The following DNAAF9 variants were observed in gnomAD, a reference collection of about 807,000 sequenced individuals.
DNAAF9 encodes the protein shulin.
In DNAAF9, 90 loss-of-function variants were observed where a neutral mutation model predicts 167.0. That is an observed-to-expected ratio of 0.54 (90% confidence interval 0.45 to 0.64). The LOEUF (loss-of-function observed/expected upper bound fraction) is 0.64, where lower values mean the gene tolerates loss of function less well. DNAAF9 is among the 30% of genes least tolerant of loss of function. The probability of loss-of-function intolerance (pLI) is 0.00; values close to 1 mark genes in which losing one functional copy is unlikely to be tolerated. For missense variants in DNAAF9, 1,315 were observed against 1,442.2 expected (o/e 0.91, Z 1.43); for synonymous variants, 491 against 508.8 (o/e 0.96, Z 0.47).
intron 1 of DNAAF9, among the ~76,000 whole-genome samples, chr20:3,398,960 T>C (rs1037443854): frequency 6.6e-6 from 1 of 152,222 alleles, no homozygotes; most frequent in African/African-American, 2.4e-5. Context: ...CTGTCATAGC[T>C]AATACATGGC....
intron 3 of DNAAF9, 136 bp downstream of exon 3, chr20:3,381,243 A>T: frequency 2.9e-6 from 2 of 679,342 alleles, no homozygotes; most frequent in African/African-American, 1.9e-5. Flanking sequence ...CGTTTTTTTC[A>T]TTCTTTAAAA....
At chr20:3,407,298 T>C (rs575410136) in intron 1 of DNAAF9, among the ~76,000 whole-genome samples, 177 bp downstream of exon 1, 107 of 152,198 alleles carry the variant, frequency 7.0e-4, no homozygotes, top group Middle Eastern at 3.4e-3. Context: ...AGGGGAGCCA[T>C]TGTGGGGCCT....
intron 3 of DNAAF9, 78 bp downstream of exon 3, chr20:3,381,301 A>T: frequency 1.7e-6 from 2 of 1,193,082 alleles, no homozygotes; most frequent in South Asian, 3.4e-5. Flanking sequence ...TTATTCCATA[A>T]GAAGACCATA....
At position 3,249,895 on chromosome 20, in the gene DNAAF9, CCGGCT is replaced by C. The variant is rs1231671142; in HGVS notation, c.*2672_*2676del. 1.3e-5 allele frequency: 2 copies of C among 151,832 alleles called. No individual in the cohort carries two copies. Among genetic ancestry groups the C allele is most frequent in the African/African-American group, 4.9e-5 (2 of 41,094 alleles). The allele number at this position is 151,832 out of a possible 1,614,324, so 9.4% of individuals were successfully genotyped here. Reference sequence around the variant, plus strand: ...AGATAGCCCCCAGGGCTCAGAGGGGCCGGCTCAACTCCTTGCCAACGGCCCTTCCC... The same window carrying C: ...AGATAGCCCCCAGGGCTCAGAGGGGCCAACTCCTTGCCAACGGCCCTTCCC... On this transcript the variant is annotated 3_prime_UTR_variant, in exon 37 of 37. Transcript: ENST00000252032.
Position 3,315,211 on chromosome 20 carries a change from T to C in DNAAF9, c.1591-91A>G, listed in dbSNP as rs189862045. 4.0e-4 allele frequency: 330 copies of C among 823,906 alleles called. 1 individual carries two copies. In the African/African-American group the frequency reaches 4.9e-3, roughly 12 times the overall value. The allele number at this position is 823,906 out of a possible 1,614,324, so 51.0% of individuals were successfully genotyped here. On this transcript the variant is annotated intron_variant, in intron 19 of 36. Transcript: ENST00000252032. The surrounding 1 kb of genome is among the most constrained non-coding windows in gnomAD (Gnocchi z 4.1). The stretch of plus-strand genomic sequence containing the variant: ...CAGAATCAAAAGTCCTGCCCAATTA[T>C]GTCCGTCTACAAAAGCTGAGTCAGG...
At chr20:3,407,207 T>C (rs2084072188) in intron 1 of DNAAF9, among the ~76,000 whole-genome samples, 3 of 152,016 alleles carry the variant, frequency 2.0e-5, no homozygotes, top group South Asian at 4.1e-4. Context: ...TCGCTGTCCC[T>C]AGGGAAGCCA....
intron 7 of DNAAF9, among the ~76,000 whole-genome samples, chr20:3,349,218 A>C (rs1269077963): frequency 2.7e-5 from 4 of 147,548 alleles, no homozygotes; most frequent in Admixed American, 6.8e-5. Flanking sequence ...AAAAAAAAAA[A>C]CACCATGAAA....
chr20:3,262,248 C>CTT lies in DNAAF9; in HGVS notation c.2873+2188_2873+2189dup, dbSNP rs953323176. Among the ~76,000 whole-genome samples the CTT allele has an allele frequency of 8.0e-3, 1,049 of 131,634 alleles. 16 individuals are homozygous for CTT. The highest frequency in any genetic ancestry group is 0.028 in the African/African-American group (993 of 35,560). The allele number at this position is 131,634 out of a possible 152,430, so 86.4% of individuals were successfully genotyped here. The stretch of plus-strand genomic sequence containing the variant: ...TCCTGATGAGGAAAAAGTTCACATT[C>CTT]TTTTTTTTTTTTTTTTTTTGACACG... On this transcript the variant is annotated intron_variant, in intron 31 of 36. Coordinates refer to ENST00000252032, the MANE Select transcript of DNAAF9 (RefSeq NM_001009984.3).
At position 3,322,269 on chromosome 20, in the gene DNAAF9, G is replaced by A. The variant is rs1191683499; in HGVS notation, c.1311-7C>T. The A allele has an allele frequency of 4.4e-6, 7 of 1,601,504 alleles. No individual in the cohort carries two copies. The highest frequency in any genetic ancestry group is 6.0e-6 in the Non-Finnish European group (7 of 1,169,634). On this transcript the variant is annotated splice_polypyrimidine_tract_variant and splice_region_variant and intron_variant, in intron 15 of 36. Transcript: ENST00000252032. Reference sequence around the variant, plus strand: ...ACTGTCCAGCGGTACAATTCTAGGAGGGGAAAGAGATGGAAGACTATGTTA... The same window carrying A: ...ACTGTCCAGCGGTACAATTCTAGGAAGGGAAAGAGATGGAAGACTATGTTA...
intron 20 of DNAAF9, among the ~76,000 whole-genome samples, chr20:3,313,282 G>A (rs999776047): frequency 6.6e-6 from 1 of 152,244 alleles, no homozygotes; most frequent in African/African-American, 2.4e-5. Flanking sequence ...AGAGGCAGAA[G>A]TGCAGGGACA....
At chr20:3,373,253 C>T (rs1471563314) in intron 6 of DNAAF9, among the ~76,000 whole-genome samples, 1 of 152,212 alleles carries the variant, frequency 6.6e-6, no homozygotes, top group Non-Finnish European at 1.5e-5. Context: ...CTGTGCCTTG[C>T]TTCTAAGGGA....
intron 10 of DNAAF9, among the ~76,000 whole-genome samples, chr20:3,338,338 A>C (rs1046600178): frequency 7.9e-5 from 12 of 152,054 alleles, no homozygotes; most frequent in Non-Finnish European, 1.5e-4. Flanking sequence ...GTCCCCTGGA[A>C]TTTTCATCCT....
chr20:3,339,123 C>T (rs1199132490), intron 10 of DNAAF9, among the ~76,000 whole-genome samples: 1 of 152,182 alleles, frequency 6.6e-6, no homozygotes, highest in African/African-American at 2.4e-5. Flanking sequence ...GCTTTTGAAT[C>T]CTAGAATTTC....
rs10522445 is a variant in DNAAF9 at position 3,394,949 on chromosome 20, C to CTT, written c.84-12445_84-12444dup. 5.4e-3 allele frequency among the ~76,000 whole-genome samples: 553 copies of CTT among 101,930 alleles called. 94 individuals carry two copies. Among genetic ancestry groups the CTT allele is most frequent in the Non-Finnish European group, 7.4e-3 (390 of 52,650 alleles). The allele number at this position is 101,930 out of a possible 152,430, so 66.9% of individuals were successfully genotyped here. A position where few individuals can be genotyped will look rare whatever the true frequency, so the allele number is the denominator to read the frequency against. ...GCTTTTACTGAACATTTTCTTTTTT[C>CTT]TTTTTTTTTTTTTTTTTTTTTTTTT... On this transcript the variant is annotated intron_variant, in intron 1 of 36. Coordinates refer to ENST00000252032, the MANE Select transcript of DNAAF9 (RefSeq NM_001009984.3).
intron 1 of DNAAF9, among the ~76,000 whole-genome samples, chr20:3,386,544 T>G (rs1226951732): frequency 1.3e-5 from 2 of 152,156 alleles, no homozygotes; most frequent in Non-Finnish European, 2.9e-5. Context: ...ATTCTGGACC[T>G]AGGATTTGGT....
At chr20:3,300,678 AAATAAT>A (rs34199778) in intron 21 of DNAAF9, among the ~76,000 whole-genome samples, 24,627 of 133,884 alleles carry the variant, frequency 0.18, 2,429 homozygotes, top group East Asian at 0.28. Flanking sequence ...GACTCCATCT[AAATAAT>A]AATAATAATA....
rs776048511 is a variant in DNAAF9 at position 3,278,945 on chromosome 20, G to C, written c.2617C>G (p.Leu873Val). The C allele has an allele frequency of 1.9e-6, 3 of 1,597,310 alleles. No individual in the cohort carries two copies. Among genetic ancestry groups the C allele is most frequent in the Non-Finnish European group, 2.6e-6 (3 of 1,165,810 alleles). Reference protein sequence around the residue: ...PMSCYMEHRFLFPKCLDQCSQ... With the variant: ...PMSCYMEHRFVFPKCLDQCSQ... ...CACTGGTCAAGACATTTAGGAAAGA[G>C]AAATCTAGGGGGAAAAAAGGGGGAA... The change falls in exon 29 of 37, where the codon CTC (leucine) becomes GTC (valine). Residue 873 changes from leucine (L) to valine (V), a missense_variant. Physicochemically the swap from Leu to Val is conservative, Grantham distance 32. Coordinates refer to ENST00000252032, the MANE Select transcript of DNAAF9 (RefSeq NM_001009984.3).
chr20:3,272,947 C>T lies in DNAAF9; in HGVS notation c.2651-2385G>A, dbSNP rs59155817. ...AAGTGATTCCCCTGCCTCAGACTCC[C>T]GGCCTCCCGAGTAGCTGGGATTACA... On this transcript the variant is annotated intron_variant, in intron 29 of 36. Coordinates refer to ENST00000252032, the MANE Select transcript of DNAAF9 (RefSeq NM_001009984.3). Among the ~76,000 whole-genome samples the T allele has an allele frequency of 1.4e-3, 218 of 152,180 alleles. 1 individual carries two copies. Among genetic ancestry groups the T allele is most frequent in the African/African-American group, 4.9e-3 (205 of 41,516 alleles).
chr20:3,274,502 A>G (rs1188776380), intron 29 of DNAAF9, among the ~76,000 whole-genome samples: 1 of 152,196 alleles, frequency 6.6e-6, no homozygotes, highest in Non-Finnish European at 1.5e-5. Flanking sequence ...GTAAAGACTA[A>G]GGCATTTAGA....
Sources: allele counts gnomAD v4.1 joint callset (sites outside exome capture counted in the v4.1 genomes callset), GRCh38; gene constraint gnomAD v4.1.1; non-coding constraint Gnocchi (gnomAD v3.1); transcripts MANE v1.5; gene names NCBI Gene and HGNC (gene_info 2026-07-23, HGNC 2026-07-21).